The following PCDH15 variants were observed in gnomAD, a reference collection of about 807,000 sequenced individuals.
PCDH15 encodes the protein protocadherin related 15.
Under a neutral mutation model 178.5 loss-of-function variants are expected in PCDH15, and 129 were observed. The ratio of observed to expected loss-of-function variants is 0.72; its 90% CI spans 0.63 to 0.84. The LOEUF (loss-of-function observed/expected upper bound fraction) is 0.84, where lower values mean the gene tolerates loss of function less well. PCDH15 is among the 40% of genes least tolerant of loss of function. The pLI, the probability that PCDH15 is intolerant of heterozygous loss-of-function variation, is 0.00. For synonymous variants in PCDH15, 800 were observed against 732.0 expected (o/e 1.09, Z -1.50); for missense variants, 2,230 against 2,099.9 (o/e 1.06, Z -1.21).
chr10:53,965,121 G>T (rs1001739015), intron 21 of PCDH15, among the ~76,000 whole-genome samples: 1 of 150,342 alleles, frequency 6.7e-6, no homozygotes, highest in South Asian at 2.1e-4. Context: ...GCAGTTGCAC[G>T]ATCTCCGCTC....
Position 54,820,745 on chromosome 10 carries a change from T to C in PCDH15, c.-29+76705A>G, listed in dbSNP as rs73252064. 3.7e-3 allele frequency among the ~76,000 whole-genome samples: 558 copies of C among 152,090 alleles called. 1 individual carries two copies. Among genetic ancestry groups the C allele is most frequent in the African/African-American group, 0.013 (536 of 41,532 alleles). On this transcript the variant is annotated intron_variant, in intron 3 of 5. Coordinates refer to the PCDH15 transcript ENST00000458638. ...CAGAGGATCAGTAACTTACACTATT[T>C]TAAGACCTAGGAAAATCCACATTTG...
In PCDH15 at chr10:54,452,047, C is replaced by T. The variant is rs12259482; in HGVS notation, c.158-73105G>A. Among the ~76,000 whole-genome samples the T allele has an allele frequency of 5.9e-3, 900 of 151,898 alleles. 14 individuals are homozygous for T. The highest frequency in any genetic ancestry group is 0.021 in the African/African-American group (853 of 41,488). On this transcript the variant is annotated intron_variant, in intron 3 of 37. Transcript: ENST00000644397. Reference sequence around the variant, plus strand: ...CTAATTTCCATTATAATATATATTTCGTATATATCATTTGCTTCCTCAAAA... The same window carrying T: ...CTAATTTCCATTATAATATATATTTTGTATATATCATTTGCTTCCTCAAAA...
intron 2 of PCDH15, among the ~76,000 whole-genome samples, chr10:55,092,762 A>C (rs1021186417): frequency 1.3e-5 from 2 of 151,964 alleles, no homozygotes; most frequent in East Asian, 3.9e-4. Flanking sequence ...ATTGTATTTC[A>C]ATTTTGAAAG....
intron 3 of PCDH15, among the ~76,000 whole-genome samples, chr10:54,486,026 A>G (rs938742050): frequency 2.6e-5 from 4 of 152,054 alleles, no homozygotes; most frequent in Admixed American, 2.6e-4. Context: ...AACGTTGAGG[A>G]TGGAGTTTGC....
chr10:54,893,318 T>TTATGCATTA (rs1954495157), intron 3 of PCDH15, among the ~76,000 whole-genome samples: 1 of 152,224 alleles, frequency 6.6e-6, no homozygotes, highest in South Asian at 2.1e-4. Context: ...AATGAGAAAT[T>TTATGCATTA]TAACCATAAA....
intron 21 of PCDH15, among the ~76,000 whole-genome samples, chr10:53,985,976 A>G (rs1035643913): frequency 5.3e-5 from 8 of 152,232 alleles, no homozygotes; most frequent in African/African-American, 1.9e-4. Context: ...ACATCACAGC[A>G]ACCCTATAAA....
chr10:54,384,743 A>T (rs1949717287), intron 3 of PCDH15, among the ~76,000 whole-genome samples: 2 of 152,134 alleles, frequency 1.3e-5, no homozygotes, highest in African/African-American at 4.8e-5. Flanking sequence ...TTAGTTTTTC[A>T]GTCTTCCTAC....
chr10:55,549,850 C>G (rs949720580), intron 2 of PCDH15, among the ~76,000 whole-genome samples: 1 of 151,958 alleles, frequency 6.6e-6, no homozygotes, highest in Non-Finnish European at 1.5e-5. Flanking sequence ...TCAATTGGTA[C>G]GACAAATAGA....
chr10:54,005,068 ACAGTCTCTT>A (rs1184826892), intron 20 of PCDH15, among the ~76,000 whole-genome samples: 3 of 152,116 alleles, frequency 2.0e-5, no homozygotes, highest in African/African-American at 7.2e-5. Flanking sequence ...CAGGGAAAGG[ACAGTCTCTT>A]CAATAAATGA....
intron 2 of PCDH15, among the ~76,000 whole-genome samples, chr10:55,555,827 AGAT>A (rs1401802024): frequency 3.9e-5 from 6 of 152,140 alleles, no homozygotes; most frequent in African/African-American, 1.4e-4. Flanking sequence ...TCTGCCATAC[AGAT>A]GATGAATAAA....
intron 1 of PCDH15, among the ~76,000 whole-genome samples, chr10:54,714,929 A>G (rs1224162646): frequency 6.6e-6 from 1 of 152,144 alleles, no homozygotes; most frequent in Non-Finnish European, 1.5e-5. Context: ...TGTGTGGTAA[A>G]TTTATTTACA....
At position 53,840,510 on chromosome 10, in the gene PCDH15, A is replaced by C; in HGVS notation, c.3807-14T>G. Reference sequence around the variant, plus strand: ...CGATCCAAGATCCTATAAATCAAACAAAGTACAAACATGACAGTCCAATGG... The same window carrying C: ...CGATCCAAGATCCTATAAATCAAACCAAGTACAAACATGACAGTCCAATGG... On this transcript the variant is annotated splice_polypyrimidine_tract_variant and intron_variant, in intron 28 of 37. Transcript: ENST00000644397. 1.7e-5 allele frequency: 28 copies of C among 1,611,474 alleles called. No individual in the cohort carries two copies. The highest frequency in any genetic ancestry group is 2.4e-5 in the Non-Finnish European group (28 of 1,177,558).
chr10:54,256,829 C>T (rs1347411157), intron 8 of PCDH15, among the ~76,000 whole-genome samples: 1 of 152,124 alleles, frequency 6.6e-6, no homozygotes, highest in African/African-American at 2.4e-5. Flanking sequence ...TCACTGACCA[C>T]TCTAGTTACC....
chr10:55,117,322 G>C (rs1158193970), intron 2 of PCDH15, among the ~76,000 whole-genome samples: 1 of 152,092 alleles, frequency 6.6e-6, no homozygotes, highest in African/African-American at 2.4e-5. Context: ...ATTAGAACCT[G>C]GCTCTAAGTC....
At chr10:54,265,597 G>A (rs1483053391) in intron 8 of PCDH15, among the ~76,000 whole-genome samples, 1 of 151,682 alleles carries the variant, frequency 6.6e-6, no homozygotes, top group Non-Finnish European at 1.5e-5. Flanking sequence ...TCATGCAAAT[G>A]GAAAACAAAA....
At chr10:55,330,943 T>C (rs529857750) in intron 2 of PCDH15, among the ~76,000 whole-genome samples, 154 of 151,794 alleles carry the variant, frequency 1.0e-3, no homozygotes, top group African/African-American at 3.6e-3. Context: ...GAAAATGCTT[T>C]GCAGACTCAG....
chr10:54,121,634 A>G (rs1377426303), intron 15 of PCDH15, among the ~76,000 whole-genome samples: 1 of 152,150 alleles, frequency 6.6e-6, no homozygotes, highest in Non-Finnish European at 1.5e-5. Flanking sequence ...ACAGCCGATC[A>G]CACAGAAATA....
At chr10:55,390,526 T>C (rs1408373846) in intron 2 of PCDH15, among the ~76,000 whole-genome samples, 2 of 152,210 alleles carry the variant, frequency 1.3e-5, no homozygotes, top group African/African-American at 4.8e-5. Flanking sequence ...GTGTTGATAT[T>C]TTGAGTTCCT....
At chr10:54,174,286 A>C (rs1454298839) in intron 13 of PCDH15, among the ~76,000 whole-genome samples, 2 of 151,838 alleles carry the variant, frequency 1.3e-5, no homozygotes. Flanking sequence ...TAATCCCAGC[A>C]CTTTGGGAGG....
Sources: allele counts gnomAD v4.1 joint callset (sites outside exome capture counted in the v4.1 genomes callset), GRCh38; gene constraint gnomAD v4.1.1; transcripts MANE v1.5; gene names NCBI Gene and HGNC (gene_info 2026-07-23, HGNC 2026-07-21).